The following HES7 variants were observed in gnomAD, a reference collection of about 807,000 sequenced individuals.
HES7 encodes the protein hes family bHLH transcription factor 7, also known as transcription factor HES-7.
A neutral mutation model predicts 18.0 loss-of-function variants in HES7; 8 were observed. The observed-to-expected ratio is 0.45, with a 90% CI of 0.26 to 0.80. The LOEUF (loss-of-function observed/expected upper bound fraction) is 0.80, where lower values mean the gene tolerates loss of function less well. Among genes scored for constraint, HES7 ranks in the 30% least tolerant of loss-of-function variants. HES7 has a pLI of 0.18. For synonymous variants in HES7, 170 were observed against 158.6 expected (o/e 1.07, Z -0.54); for missense variants, 356 against 340.9 (o/e 1.04, Z -0.35).
Position 8,121,951 on chromosome 17 carries a change from G to A in HES7, c.313C>T (p.Leu105=), listed in dbSNP as rs1250825795. 7 of 1,557,690 alleles carry A rather than the reference G, an allele frequency of 4.5e-6. No homozygotes were observed. Among genetic ancestry groups the A allele is most frequent in the Non-Finnish European group, 5.2e-6 (6 of 1,162,426 alleles). The part of the protein sequence containing the change: ...SCYLSGFREC[L]LRLAAFAHDA... The stretch of plus-strand genomic sequence containing the variant: ...TGCGCGAAGGCCGCCAAGCGAAGCA[G>A]GCACTCGCGGAAACCGGACAAGTAG... Residue 105 remains leucine (L), a synonymous_variant, in exon 4 of 4, where the codon CTG becomes TTG. Coordinates refer to ENST00000541682, the MANE Select transcript of HES7 (RefSeq NM_001165967.2).
chr17:8,122,560 A>G lies in HES7; in HGVS notation c.139-130T>C. ...CCGATCGCATTTGCGCACTGCCCAC[A>G]GAACGCGCGACCAAATGCGGAGTGG... On this transcript the variant is annotated intron_variant, in intron 2 of 3. Coordinates refer to ENST00000541682, the MANE Select transcript of HES7 (RefSeq NM_001165967.2). This position sits in a 1 kb window ranked among gnomAD's most constrained non-coding sequence, Gnocchi z 6.9. The G allele has an allele frequency of 1.4e-6, 1 of 697,844 alleles. No homozygotes were observed. Among genetic ancestry groups the G allele is most frequent in the Non-Finnish European group, 2.6e-6 (1 of 391,458 alleles). The allele number at this position is 697,844 out of a possible 1,614,324, so 43.2% of individuals were successfully genotyped here. A position where few individuals can be genotyped will look rare whatever the true frequency, so the allele number is the denominator to read the frequency against.
upstream of HES7, chr17:8,124,226 C>T (rs1372699022): frequency 1.0e-6 from 1 of 990,594 alleles, no homozygotes; most frequent in African/African-American, 1.6e-5. Flanking sequence ...CACGAGGCTC[C>T]CGGAAAGAGG....
rs563910734 is a variant in HES7 at position 8,121,914 on chromosome 17, G to T, written c.350C>A (p.Pro117Gln). 1 of 1,562,884 alleles carries T rather than the reference G, an allele frequency of 6.4e-7. No individual in the cohort carries two copies. Among genetic ancestry groups the T allele is most frequent in the Admixed American group, 1.8e-5 (1 of 55,610 alleles). The change falls in exon 4 of 4, where the codon CCG (proline) becomes CAG (glutamine). Residue 117 changes from proline (P) to glutamine (Q), a missense_variant. Physicochemically the swap from Pro to Gln is moderately conservative, Grantham distance 76 (BLOSUM62 -1). Coordinates refer to ENST00000541682, the MANE Select transcript of HES7 (RefSeq NM_001165967.2). ...GGAGAAGAGCTGGGCGCGGGCGGCC[G>T]GGCTGGCGTCGTGCGCGAAGGCCGC... ...RLAAFAHDAS[P>Q]AARAQLFSAL...
Position 8,122,260 on chromosome 17 carries a change from C to T in HES7, c.226+83G>A, listed in dbSNP as rs951701315. On this transcript the variant is annotated intron_variant, in intron 3 of 3. Transcript: ENST00000541682. The surrounding 1 kb of genome is among the most constrained non-coding windows in gnomAD (Gnocchi z 6.9). ...GCCACTCCCCAAGCCCACCATCCAC[C>T]GCAGGGCCCGCCCACTCTGCCCCGG... 48 of 1,250,220 alleles carry T rather than the reference C, an allele frequency of 3.8e-5. No homozygotes were observed. Among genetic ancestry groups the T allele is most frequent in the Non-Finnish European group, 4.8e-5 (42 of 878,966 alleles). The allele number at this position is 1,250,220 out of a possible 1,614,324, so 77.4% of individuals were successfully genotyped here. A position where few individuals can be genotyped will look rare whatever the true frequency, so the allele number is the denominator to read the frequency against.
chr17:8,122,059 C>T lies in HES7; in HGVS notation c.227-22G>A. The T allele has an allele frequency of 6.7e-7, 1 of 1,487,280 alleles. No individual in the cohort carries two copies. The highest frequency in any genetic ancestry group is 8.9e-7 in the Non-Finnish European group (1 of 1,127,238). 92.1% of individuals were successfully genotyped at this position (1,487,280 alleles called of 1,614,324 possible). Reference sequence around the variant, plus strand: ...GCGGCTGGTGCGGCCGGCGGGAGCACAGGTGGGCAGGGCAGGGGCCCGGCA... The same window carrying T: ...GCGGCTGGTGCGGCCGGCGGGAGCATAGGTGGGCAGGGCAGGGGCCCGGCA... On this transcript the variant is annotated intron_variant, in intron 3 of 3. Coordinates refer to ENST00000541682, the MANE Select transcript of HES7 (RefSeq NM_001165967.2). The surrounding 1 kb of genome is among the most constrained non-coding windows in gnomAD (Gnocchi z 6.9).
At chr17:8,126,299 C>T (rs1394285462), upstream of HES7, among the ~76,000 whole-genome samples, 2 of 152,136 alleles carry the variant, frequency 1.3e-5, no homozygotes, top group African/African-American at 4.8e-5. Flanking sequence ...CACGTTTTTT[C>T]CAGATCTTCA....
chr17:8,125,711 T>A (rs1981571120), upstream of HES7, among the ~76,000 whole-genome samples: 1 of 152,060 alleles, frequency 6.6e-6, no homozygotes, highest in African/African-American at 2.4e-5. Flanking sequence ...CCTCTTACAA[T>A]CTCAGATAGG....
Position 8,122,454 on chromosome 17 carries a change from A to C in HES7, c.139-24T>G. The C allele has an allele frequency of 6.7e-7, 1 of 1,481,840 alleles. No homozygotes were observed. The highest frequency in any genetic ancestry group is 9.2e-7 in the Non-Finnish European group (1 of 1,081,294). The allele number at this position is 1,481,840 out of a possible 1,614,324, so 91.8% of individuals were successfully genotyped here. A position where few individuals can be genotyped will look rare whatever the true frequency, so the allele number is the denominator to read the frequency against. The stretch of plus-strand genomic sequence containing the variant: ...TTCTACAGACGGGAGGGGAGGGCGC[A>C]GAGACAGAAAGGGGTGGGGAGAAAG... On this transcript the variant is annotated intron_variant, in intron 2 of 3. Transcript: ENST00000541682. This position sits in a 1 kb window ranked among gnomAD's most constrained non-coding sequence, Gnocchi z 6.9.
At chr17:8,126,363 C>G (rs1045735833), upstream of HES7, among the ~76,000 whole-genome samples, 2 of 152,210 alleles carry the variant, frequency 1.3e-5, no homozygotes, top group Non-Finnish European at 1.5e-5. Context: ...CTCCGCATCT[C>G]TGATTCCGCG....
chr17:8,123,713 T>C lies in HES7; in HGVS notation c.42+330A>G, dbSNP rs1981480247. Among the ~76,000 whole-genome samples, 1 of 152,052 alleles carries C rather than the reference T, an allele frequency of 6.6e-6. No individual in the cohort carries two copies. The highest frequency in any genetic ancestry group is 6.5e-5 in the Admixed American group (1 of 15,274). On this transcript the variant is annotated intron_variant, in intron 1 of 3. Transcript: ENST00000541682. This position sits in a 1 kb window ranked among gnomAD's most constrained non-coding sequence, Gnocchi z 5.9. ...AGAGTGGAGCAAGTGCCTATCCTCT[T>C]CTCTTTTCGTTCCCACCCTCCTCCC...
chr17:8,122,236 C>A lies in HES7; in HGVS notation c.226+107G>T. On this transcript the variant is annotated intron_variant, in intron 3 of 3. Transcript: ENST00000541682. The surrounding 1 kb of genome is among the most constrained non-coding windows in gnomAD (Gnocchi z 6.9). Reference sequence around the variant, plus strand: ...TAACCTCGCCTCGGAGCAGAACCGGCCACTCCCCAAGCCCACCATCCACCG... The same window carrying A: ...TAACCTCGCCTCGGAGCAGAACCGGACACTCCCCAAGCCCACCATCCACCG... 1.9e-6 allele frequency: 2 copies of A among 1,060,242 alleles called. No individual in the cohort carries two copies. Among genetic ancestry groups the A allele is most frequent in the Non-Finnish European group, 1.4e-6 (1 of 712,960 alleles). The allele number at this position is 1,060,242 out of a possible 1,614,324, so 65.7% of individuals were successfully genotyped here. A position where few individuals can be genotyped will look rare whatever the true frequency, so the allele number is the denominator to read the frequency against.
chr17:8,123,010 AGGGCTAGCGGAG>A lies in HES7; in HGVS notation c.138+9_138+20del. On this transcript the variant is annotated intron_variant, in intron 2 of 3. Coordinates refer to ENST00000541682, the MANE Select transcript of HES7 (RefSeq NM_001165967.2). This position sits in a 1 kb window ranked among gnomAD's most constrained non-coding sequence, Gnocchi z 5.9. ...GCGGAAACGGGAAGCTTGGGGACCT[AGGGCTAGCGGAG>A]GGACTGACCTGGTCCCGGGTCCGCT... The A allele has an allele frequency of 6.4e-7, 1 of 1,567,602 alleles. No homozygotes were observed. Among genetic ancestry groups the A allele is most frequent in the Non-Finnish European group, 8.7e-7 (1 of 1,150,792 alleles).
Position 8,122,713 on chromosome 17 carries a change from C to G in HES7, c.139-283G>C, listed in dbSNP as rs1981422386. Among the ~76,000 whole-genome samples, 1 of 152,128 alleles carries G rather than the reference C, an allele frequency of 6.6e-6. No individual in the cohort carries two copies. The highest frequency in any genetic ancestry group is 1.5e-5 in the Non-Finnish European group (1 of 68,022). On this transcript the variant is annotated intron_variant, in intron 2 of 3. Coordinates refer to ENST00000541682, the MANE Select transcript of HES7 (RefSeq NM_001165967.2). This position sits in a 1 kb window ranked among gnomAD's most constrained non-coding sequence, Gnocchi z 6.9. ...CCAGGGAATGAAATTAACCACCCGA[C>G]ATAACAGAGGCTGGCTCATCAGAGG...
upstream of HES7, among the ~76,000 whole-genome samples, chr17:8,125,793 C>T (rs982227875): frequency 3.3e-5 from 5 of 152,192 alleles, no homozygotes; most frequent in African/African-American, 1.2e-4. Context: ...GCGGGAGGCC[C>T]GGGTTCGATT....
At chr17:8,124,686 G>C (rs985186415), upstream of HES7, among the ~76,000 whole-genome samples, 2 of 152,158 alleles carry the variant, frequency 1.3e-5, no homozygotes, top group African/African-American at 4.8e-5. Context: ...ACTTGTCTAG[G>C]CTCGGGCGAG....
chr17:8,124,135 T>C, upstream of HES7: 2 of 1,612,250 alleles, frequency 1.2e-6, no homozygotes, highest in Non-Finnish European at 1.7e-6. Context: ...TGGAGCCTTA[T>C]ATTCCGCGGC....
Position 8,121,977 on chromosome 17 carries a change from C to T in HES7, c.287G>A (p.Cys96Tyr). 6.5e-7 allele frequency: 1 copy of T among 1,543,372 alleles called. No homozygotes were observed. The highest frequency in any genetic ancestry group is 1.2e-5 in the South Asian group (1 of 85,306). ...GCACTCGCGGAAACCGGACAAGTAG[C>T]AGCTGGCGAGCGCCTCGGCGTCCTG... ...PVQDAEALAS[C>Y]YLSGFRECLL... is the part of the protein sequence containing the mutation. Residue 96 changes from cysteine (C) to tyrosine (Y), a missense_variant, in exon 4 of 4, where the codon TGC becomes TAC. Transcript: ENST00000541682.
At position 8,121,359 on chromosome 17, in the gene HES7, G is replaced by A. The variant is rs1049478935; in HGVS notation, c.*212C>T. 1.8e-5 allele frequency: 7 copies of A among 398,354 alleles called. No individual in the cohort carries two copies. The highest frequency in any genetic ancestry group is 3.1e-5 in the Non-Finnish European group (7 of 228,308). The allele number at this position is 398,354 out of a possible 1,614,324, so 24.7% of individuals were successfully genotyped here. On this transcript the variant is annotated 3_prime_UTR_variant, in exon 4 of 4. Coordinates refer to ENST00000541682, the MANE Select transcript of HES7 (RefSeq NM_001165967.2). Reference sequence around the variant, plus strand: ...AGAGAGTACAATCCTAGACGCAAGGGAGAAGTTGGGGCAGGGAAAAGGGAC... The same window carrying A: ...AGAGAGTACAATCCTAGACGCAAGGAAGAAGTTGGGGCAGGGAAAAGGGAC...
rs766591866 is a variant in HES7 at position 8,120,949 on chromosome 17, C to T, written c.*622G>A. On this transcript the variant is annotated 3_prime_UTR_variant, in exon 4 of 4. Coordinates refer to ENST00000541682, the MANE Select transcript of HES7 (RefSeq NM_001165967.2). ...TGGCTCTGTGGCGCAATGGATAGCG[C>T]ATTGGACTTCTAGTGACGAATAGAG... is the stretch of plus-strand genomic sequence containing the variant. The T allele has an allele frequency of 2.0e-5, 3 of 152,726 alleles. No individual in the cohort carries two copies. Among genetic ancestry groups the T allele is most frequent in the Admixed American group, 6.5e-5 (1 of 15,290 alleles). The allele number at this position is 152,726 out of a possible 1,614,324, so 9.5% of individuals were successfully genotyped here. A position where few individuals can be genotyped will look rare whatever the true frequency, so the allele number is the denominator to read the frequency against.
Sources: allele counts gnomAD v4.1 joint callset (sites outside exome capture counted in the v4.1 genomes callset), GRCh38; gene constraint gnomAD v4.1.1; non-coding constraint Gnocchi (gnomAD v3.1); transcripts MANE v1.5; gene names NCBI Gene and HGNC (gene_info 2026-07-23, HGNC 2026-07-21).